Variants in LIG1 observed in about 807,000 individuals in gnomAD.
LIG1 encodes ligase I, DNA, ATP-dependent.
Under a neutral mutation model 115.7 loss-of-function variants are expected in LIG1, and 70 were observed. The ratio of observed to expected loss-of-function variants is 0.60; its 90% confidence interval spans 0.50 to 0.74. The LOEUF is 0.74. Ranked by LOEUF, LIG1 falls within the 30% of genes least tolerant of loss-of-function variation. The pLI is 0.00. For missense variants in LIG1, 1,115 were observed against 1,225.6 expected, an observed-to-expected ratio of 0.91 and a Z score of 1.35; for synonymous variants, 487 against 495.3, an observed-to-expected ratio of 0.98 and a Z score of 0.22.
chr19:48,121,568 G>A (rs3731022), intron 23 of LIG1, among the ~76,000 whole-genome samples: 1,548 of 152,280 alleles, frequency 0.01, 21 homozygotes, highest in African/African-American at 0.035. Context: ...TTGGGAGGCC[G>A]AGGCGGGTGG....
chr19:48,165,284 C>T (rs2036417681), intron 2 of LIG1, among the ~76,000 whole-genome samples: 2 of 151,998 alleles, frequency 1.3e-5, no homozygotes, highest in Non-Finnish European at 2.9e-5. Context: ...CCAGACGCTG[C>T]CAGATGTTCC....
chr19:48,131,991 T>A (rs548436460), intron 18 of LIG1, among the ~76,000 whole-genome samples: 151 of 149,832 alleles, frequency 1.0e-3, no homozygotes, highest in African/African-American at 3.6e-3. Flanking sequence ...GAGGCTGTAG[T>A]GTAGTGGCAC....
intron 11 of LIG1, 136 bp from the exon 12 acceptor site, chr19:48,140,279 C>T: frequency 1.5e-6 from 1 of 651,002 alleles, no homozygotes; most frequent in Non-Finnish European, 2.7e-6. Context: ...CAGTCCCAGG[C>T]TCTGGGGCCT....
intron 1 of LIG1, among the ~76,000 whole-genome samples, chr19:48,167,054 G>C (rs189976194): frequency 3.3e-5 from 5 of 151,116 alleles, no homozygotes; most frequent in East Asian, 1.9e-4. Context: ...TCCAAGAGCA[G>C]AACTCAAGTG....
chr19:48,161,158 T>A (rs1302304859), intron 4 of LIG1: 2 of 635,902 alleles, frequency 3.1e-6, no homozygotes, highest in Admixed American at 2.6e-5. Flanking sequence ...AGTTGAGGCA[T>A]CCAAGACCTA....
intron 24 of LIG1, chr19:48,120,348 C>G (rs2033177475): frequency 1.0e-6 from 1 of 985,190 alleles, no homozygotes; most frequent in Non-Finnish European, 1.2e-6. Flanking sequence ...GGTAAAAAGG[C>G]AGAAAAGAAA....
chr19:48,160,884 C>T (rs2036133599), intron 4 of LIG1, among the ~76,000 whole-genome samples: 1 of 152,016 alleles, frequency 6.6e-6, no homozygotes, highest in South Asian at 2.1e-4. Flanking sequence ...AGGCATGCAC[C>T]ACCACACCTG....
At chr19:48,165,857 A>C (rs1489273910) in intron 1 of LIG1, 1 of 534,742 alleles carries the variant, frequency 1.9e-6, no homozygotes, top group African/African-American at 1.9e-5. Flanking sequence ...CCATAAGAAG[A>C]CTGTTTTTCA....
At chr19:48,136,692 G>A (rs982474800) in intron 14 of LIG1, among the ~76,000 whole-genome samples, 3 of 152,216 alleles carry the variant, frequency 2.0e-5, no homozygotes, top group Admixed American at 6.5e-5. Context: ...TGCTCTCACT[G>A]TCATGGCAAA....
Position 48,153,738 on chromosome 19 carries a change from T to C in LIG1, c.466+134A>G, listed in dbSNP as rs866438616. 7.7e-5 allele frequency: 32 copies of C among 415,894 alleles called. No individual in the cohort carries two copies. The African/African-American group carries it at 1.9e-3, about 24-fold the overall frequency. The allele number at this position is 415,894 out of a possible 1,614,324, so 25.8% of individuals were successfully genotyped here. On this transcript the variant is annotated intron_variant, in intron 6 of 27. Transcript: ENST00000263274. ...TTCCTCCTCCTCCTTCCTCTTGGCTTCACACACACACACACACACACACAC... is the reference window on the plus strand; with the variant it reads ...TTCCTCCTCCTCCTTCCTCTTGGCTCCACACACACACACACACACACACAC...
chr19:48,132,848 G>T, intron 18 of LIG1, 134 bp downstream of exon 18: 2 of 656,254 alleles, frequency 3.0e-6, no homozygotes, highest in Non-Finnish European at 2.9e-6. Context: ...GGTGGATGCT[G>T]AAGCCCAGAG....
rs187886580 is a variant in LIG1 at position 48,132,489 on chromosome 19, T to C, written c.1725+493A>G. ...TGTAGCTTCGGATAAGCTGGTGAGG[T>C]AGTTAAGACCACACCCTAGAGGCCA... is the stretch of plus-strand genomic sequence containing the variant. On this transcript the variant is annotated intron_variant, in intron 18 of 27. Transcript: ENST00000263274. Among the ~76,000 whole-genome samples the C allele has an allele frequency of 2.6e-5, 4 of 151,592 alleles. No individual in the cohort carries two copies. The East Asian group carries it at 7.8e-4, about 30-fold the overall frequency.
chr19:48,130,660 C>T (rs1295129420), intron 19 of LIG1, among the ~76,000 whole-genome samples: 1 of 152,088 alleles, frequency 6.6e-6, no homozygotes, highest in Non-Finnish European at 1.5e-5. Flanking sequence ...CAGTCCACGG[C>T]GGGGGAGGGG....
chr19:48,135,976 G>T (rs1025087324), intron 15 of LIG1, 58 bp downstream of exon 15: 132 of 1,403,822 alleles, frequency 9.4e-5, no homozygotes, highest in Non-Finnish European at 1.2e-4. Context: ...CTGAAGAGGA[G>T]GGGGGAAGCC....
Position 48,121,300 on chromosome 19 carries a change from C to A in LIG1, c.2255G>T (p.Gly752Val). 5 of 1,607,004 alleles carry A rather than the reference C, an allele frequency of 3.1e-6. No homozygotes were observed. The highest frequency in any genetic ancestry group is 3.4e-6 in the Non-Finnish European group (4 of 1,174,862). ...WLKLKKDYLD[G>V]VGDTLDLVVI... ...CACCAGGTCCAGGGTGTCACCCACG[C>A]CATCAAGGTAGTCCTTCTTCAGCTG... Residue 752 changes from glycine (G) to valine (V), a missense_variant, in exon 24 of 28, where the codon GGC (glycine) becomes GTC (valine). Physicochemically the swap from Gly to Val is moderately radical, Grantham distance 109. Coordinates refer to ENST00000263274, the MANE Select transcript of LIG1 (RefSeq NM_000234.3).
At position 48,137,250 on chromosome 19, in the gene LIG1, C is replaced by T. The variant is rs1245284163; in HGVS notation, c.1255-166G>A. Among the ~76,000 whole-genome samples, 6 of 152,210 alleles carry T rather than the reference C, an allele frequency of 3.9e-5. No individual in the cohort carries two copies. In the East Asian group the frequency reaches 9.6e-4, roughly 24 times the overall value. On this transcript the variant is annotated intron_variant, in intron 13 of 27. Coordinates refer to ENST00000263274, the MANE Select transcript of LIG1 (RefSeq NM_000234.3). This position sits in a 1 kb window ranked among gnomAD's most constrained non-coding sequence, Gnocchi z 4.3. The stretch of plus-strand genomic sequence containing the variant: ...CCGCCCACTCTTAGGGCAGTAAGAA[C>T]GAGCTAGCTCTCCTCCTTGCCTCCC...
intron 5 of LIG1, among the ~76,000 whole-genome samples, chr19:48,155,499 G>A (rs1014510703): frequency 1.2e-4 from 19 of 152,042 alleles, no homozygotes; most frequent in Non-Finnish European, 7.4e-5. Context: ...TCTAAGACTC[G>A]GCTCAGCCAT....
At chr19:48,115,773 G>A in intron 27 of LIG1, 41 bp from the exon 28 acceptor site, 1 of 1,585,692 alleles carries the variant, frequency 6.3e-7, no homozygotes, top group African/African-American at 1.3e-5. Context: ...GAAGCTCCCT[G>A]GCTGCTCCCA....
At chr19:48,130,662 G>A (rs1568493516) in intron 19 of LIG1, among the ~76,000 whole-genome samples, 1 of 152,242 alleles carries the variant, frequency 6.6e-6, no homozygotes, top group Non-Finnish European at 1.5e-5. Flanking sequence ...GTCCACGGCG[G>A]GGGAGGGGTT....
Sources: gnomAD v4.1 joint callset for allele counts (sites outside exome capture counted in the v4.1 genomes callset) on GRCh38, gnomAD v4.1.1 for gene constraint, Gnocchi (gnomAD v3.1) non-coding constraint, MANE v1.5 for transcripts, NCBI Gene and HGNC (gene_info 2026-07-23, HGNC 2026-07-21) for gene names.